Variants in SLC33A1 observed in about 807,000 individuals in gnomAD.
SLC33A1 encodes the protein acetyl-coenzyme A transporter 1.
In SLC33A1, 20 loss-of-function variants were observed where a neutral mutation model predicts 50.0. The observed-to-expected ratio is 0.40, with a 90% CI of 0.28 to 0.58. The LOEUF (loss-of-function observed/expected upper bound fraction) is 0.58. Ranked by LOEUF, SLC33A1 falls within the 20% of genes least tolerant of loss-of-function variation. The probability of loss-of-function intolerance (pLI) is 0.44; values close to 1 mark genes in which losing one functional copy is unlikely to be tolerated. For synonymous variants in SLC33A1, 265 were observed against 251.8 expected (o/e 1.05, Z -0.50); for missense variants, 476 against 657.0 (o/e 0.72, Z 3.01).
At chr3:155,830,148 G>A (rs1463327731) in intron 4 of SLC33A1, among the ~76,000 whole-genome samples, 4 of 151,688 alleles carry the variant, frequency 2.6e-5, no homozygotes, top group Non-Finnish European at 5.9e-5. Flanking sequence ...CGGATCACAA[G>A]GTCAGGAGAT....
At chr3:155,845,076 C>A (rs1753116157) in intron 1 of SLC33A1, 1 of 147,792 alleles carries the variant, frequency 6.8e-6, no homozygotes, top group African/African-American at 2.6e-5. Flanking sequence ...TTTAACAAGC[C>A]CTGAAAAAAA....
chr3:155,838,824 T>G (rs1752808090), intron 2 of SLC33A1, among the ~76,000 whole-genome samples: 1 of 151,780 alleles, frequency 6.6e-6, no homozygotes, highest in East Asian at 1.9e-4. Flanking sequence ...CACTCCAGTC[T>G]AGACGACAGA....
chr3:155,853,124 T>C, intron 1 of SLC33A1, 99 bp downstream of exon 1: 1 of 1,120,154 alleles, frequency 8.9e-7, no homozygotes, highest in Non-Finnish European at 1.3e-6. Context: ...TTATCTCCCA[T>C]ACAATGATTT....
chr3:155,830,028 C>T, intron 4 of SLC33A1, 125 bp from the exon 5 acceptor site: 1 of 695,224 alleles, frequency 1.4e-6, no homozygotes, highest in Non-Finnish European at 2.5e-6. Flanking sequence ...CTCAATTCAA[C>T]AAATACTTAT....
chr3:155,834,583 T>C (rs1004814377), intron 2 of SLC33A1, among the ~76,000 whole-genome samples: 1 of 152,122 alleles, frequency 6.6e-6, no homozygotes, highest in African/African-American at 2.4e-5. Flanking sequence ...GATTAATTCT[T>C]TAAAACAGCA....
At chr3:155,841,927 T>C (rs1038629547) in intron 2 of SLC33A1, among the ~76,000 whole-genome samples, 1 of 151,998 alleles carries the variant, frequency 6.6e-6, no homozygotes, top group African/African-American at 2.4e-5. Context: ...CTTGTATTTT[T>C]AGTAGAGACA....
Position 155,853,676 on chromosome 3 carries a change from C to A in SLC33A1, c.322G>T (p.Asp108Tyr), listed in dbSNP as rs2108018034. The part of the protein sequence containing the change: ...ILQSKNVSYT[D>Y]QAFFSFVFWP... ...AAGACAAAACTGAAGAAAGCTTGGT[C>A]TGTATAGCTAACATTTTTGCTTTGC... The change falls in exon 1 of 6, where the codon GAC (aspartate) becomes TAC (tyrosine). Residue 108 changes from aspartate (D) to tyrosine (Y), a missense_variant. Transcript: ENST00000643144. 1 of 1,614,154 alleles carries A rather than the reference C, an allele frequency of 6.2e-7. No homozygotes were observed. The highest frequency in any genetic ancestry group is 8.5e-7 in the Non-Finnish European group (1 of 1,180,030).
chr3:155,834,541 T>C (rs967234136), intron 2 of SLC33A1, among the ~76,000 whole-genome samples: 8 of 152,046 alleles, frequency 5.3e-5, no homozygotes, highest in South Asian at 2.1e-4. Context: ...ATCTGAGAGA[T>C]TGAATAAAAT....
At chr3:155,832,602 C>T (rs7618998) in intron 4 of SLC33A1, among the ~76,000 whole-genome samples, 29,889 of 151,086 alleles carry the variant, frequency 0.2, 7,500 homozygotes, top group African/African-American at 0.58. Context: ...CCGAGGTGGG[C>T]GGATCACTTG....
intron 3 of SLC33A1, 25 bp from the exon 4 acceptor site, chr3:155,833,610 G>T (rs757759123): frequency 3.7e-6 from 5 of 1,335,454 alleles, no homozygotes; most frequent in Non-Finnish European, 4.3e-6. Flanking sequence ...ACATTGAGTT[G>T]ACTTCCATTT....
chr3:155,822,647 C>A lies in SLC33A1; in HGVS notation c.*5563G>T, dbSNP rs1396668032. Reference sequence around the variant, plus strand: ...GTACCTGTACCTTGTGCATTTCAGTCATGCCATTTAATCATTATTCTTCAC... The same window carrying A: ...GTACCTGTACCTTGTGCATTTCAGTAATGCCATTTAATCATTATTCTTCAC... On this transcript the variant is annotated 3_prime_UTR_variant, in exon 6 of 6. Coordinates refer to ENST00000643144, the MANE Select transcript of SLC33A1 (RefSeq NM_004733.4). The A allele has an allele frequency of 6.6e-6, 1 of 151,352 alleles. No homozygotes were observed. The allele number at this position is 151,352 out of a possible 1,614,324, so 9.4% of individuals were successfully genotyped here.
Position 155,842,494 on chromosome 3 carries a change from G to T in SLC33A1, c.901C>A (p.Leu301Ile). The T allele has an allele frequency of 6.2e-7, 1 of 1,612,564 alleles. No homozygotes were observed. The highest frequency in any genetic ancestry group is 8.5e-7 in the Non-Finnish European group (1 of 1,179,096). ...TQGITDTYKL[L>I]FAIIKMPAVL... ...GCTGGCATTTTTATAATTGCAAAAA[G>T]CAGCTTGTAAGTATCTGTGATCCCT... The change falls in exon 2 of 6, where the codon CTT (leucine) becomes ATT (isoleucine). Residue 301 changes from leucine to isoleucine, a missense_variant. Physicochemically the swap from Leu to Ile is conservative, Grantham distance 5 (BLOSUM62 2). Transcript: ENST00000643144.
chr3:155,836,667 C>T lies in SLC33A1; in HGVS notation c.964-2626G>A, dbSNP rs371144863. 2.5e-3 allele frequency among the ~76,000 whole-genome samples: 387 copies of T among 152,140 alleles called. 1 individual carries two copies. The highest frequency in any genetic ancestry group is 4.1e-3 in the African/African-American group (169 of 41,510). On this transcript the variant is annotated intron_variant, in intron 2 of 5. Transcript: ENST00000643144. Reference sequence around the variant, plus strand: ...AGCACAGCACTTTGGGAGGATGAGGCGGGAGGATTGCTTCAGCCCAGAAGC... The same window carrying T: ...AGCACAGCACTTTGGGAGGATGAGGTGGGAGGATTGCTTCAGCCCAGAAGC...
intron 1 of SLC33A1, 47 bp downstream of exon 1, chr3:155,853,176 T>G: frequency 1.3e-6 from 2 of 1,527,496 alleles, no homozygotes; most frequent in Non-Finnish European, 1.8e-6. Flanking sequence ...ACACACTCTT[T>G]CAAAAGGATA....
Position 155,853,411 on chromosome 3 carries a change from G to A in SLC33A1, c.587C>T (p.Ala196Val). The A allele has an allele frequency of 6.2e-7, 1 of 1,614,070 alleles. No homozygotes were observed. Among genetic ancestry groups the A allele is most frequent in the Non-Finnish European group, 8.5e-7 (1 of 1,180,038 alleles). Residue 196 changes from alanine (A) to valine (V), a missense_variant, in exon 1 of 6, where the codon GCC becomes GTC. Ala to Val is a moderately conservative substitution (Grantham distance 64). Coordinates refer to ENST00000643144, the MANE Select transcript of SLC33A1 (RefSeq NM_004733.4). Reference protein sequence around the residue: ...FEFLAATQDIAVDGWALTMLS... With the variant: ...FEFLAATQDIVVDGWALTMLS... ...CATAGTTAACGCCCAACCATCGACG[G>A]CAATGTCCTGAGTGGCGGCCAAGAA... is the stretch of plus-strand genomic sequence containing the variant.
intron 1 of SLC33A1, among the ~76,000 whole-genome samples, chr3:155,847,751 A>AAGATAAAT (rs1753231288): frequency 6.7e-6 from 1 of 149,100 alleles, no homozygotes; most frequent in African/African-American, 2.5e-5. Context: ...TCCGTCTCAA[A>AAGATAAAT]AAATAAATAA....
At chr3:155,840,248 C>G (rs1247761603) in intron 2 of SLC33A1, among the ~76,000 whole-genome samples, 2 of 151,360 alleles carry the variant, frequency 1.3e-5, no homozygotes, top group Non-Finnish European at 2.9e-5. Context: ...GCACCACACC[C>G]AGCTAATTTT....
intron 1 of SLC33A1, among the ~76,000 whole-genome samples, chr3:155,846,550 T>A (rs1354977996): frequency 2.0e-5 from 3 of 151,342 alleles, no homozygotes; most frequent in Non-Finnish European, 4.4e-5. Flanking sequence ...ACCTCCCAGG[T>A]TCAAGTGATT....
In SLC33A1 at chr3:155,821,473, C is replaced by CT. The variant is rs933536099; in HGVS notation, c.*6736dup. 5.9e-4 allele frequency: 87 copies of CT among 148,356 alleles called. No homozygotes were observed. Among genetic ancestry groups the CT allele is most frequent in the African/African-American group, 1.1e-3 (43 of 40,494 alleles). 9.2% of individuals were successfully genotyped at this position (148,356 alleles called of 1,614,324 possible). ...ATCAATTTACCAAATATGCCACTTC[C>CT]TTTTTTTTTTTGAGACAGAGTTTCG... On this transcript the variant is annotated 3_prime_UTR_variant, in exon 6 of 6. Transcript: ENST00000643144.
Sources: allele counts gnomAD v4.1 joint callset (sites outside exome capture counted in the v4.1 genomes callset), GRCh38; gene constraint gnomAD v4.1.1; transcripts MANE v1.5; gene names NCBI Gene and HGNC (gene_info 2026-07-23, HGNC 2026-07-21).